Variants in LRP1B observed in about 807,000 individuals in gnomAD.
LRP1B encodes LDL receptor related protein 1B.
In LRP1B, 217 loss-of-function variants were observed where a neutral mutation model predicts 556.6. The observed-to-expected ratio is 0.39, with a 90% CI of 0.35 to 0.44. LRP1B has a LOEUF of 0.44. LRP1B is among the 20% of genes least tolerant of loss of function. The probability of loss-of-function intolerance (pLI) is 1.00; values close to 1 mark genes in which losing one functional copy is unlikely to be tolerated. For synonymous variants in LRP1B, 2,047 were observed against 1,865.8 expected (o/e 1.10, Z -2.50); for missense variants, 5,053 against 5,620.8 (o/e 0.90, Z 3.23).
intron 58 of LRP1B, 30 bp downstream of exon 58, chr2:140,487,587 A>C (rs1197011511): frequency 6.4e-7 from 1 of 1,572,212 alleles, no homozygotes; most frequent in Middle Eastern, 1.7e-4. Context: ...TATAATATTC[A>C]ACAATCCCAT....
chr2:141,102,815 C>T (rs551858924), intron 7 of LRP1B, among the ~76,000 whole-genome samples: 2 of 152,126 alleles, frequency 1.3e-5, no homozygotes, highest in South Asian at 4.1e-4. Flanking sequence ...TTACCCAGTT[C>T]AGTTTTTCTT....
chr2:141,473,263 A>G lies in LRP1B; in HGVS notation c.343+7133T>C, dbSNP rs559448277. On this transcript the variant is annotated intron_variant, in intron 3 of 90. Transcript: ENST00000389484. Reference sequence around the variant, plus strand: ...CATATGTGCAAATATGCATGTGTATATACGTTTATATATACACACATATAC... The same window carrying G: ...CATATGTGCAAATATGCATGTGTATGTACGTTTATATATACACACATATAC... 5.3e-5 allele frequency among the ~76,000 whole-genome samples: 8 copies of G among 152,360 alleles called. No individual in the cohort carries two copies. The South Asian group carries it at 1.5e-3, about 28-fold the overall frequency.
intron 1 of LRP1B, among the ~76,000 whole-genome samples, chr2:141,831,259 A>T (rs1238683791): frequency 6.6e-6 from 1 of 151,738 alleles, no homozygotes; most frequent in Non-Finnish European, 1.5e-5. Flanking sequence ...TACTTCAGCA[A>T]ATTTAACTTT....
At chr2:141,813,916 G>A (rs1696440891) in intron 1 of LRP1B, among the ~76,000 whole-genome samples, 1 of 152,046 alleles carries the variant, frequency 6.6e-6, no homozygotes, top group South Asian at 2.1e-4. Flanking sequence ...TAGGTTTGGG[G>A]TTTTTATGGA....
intron 1 of LRP1B, among the ~76,000 whole-genome samples, chr2:141,904,554 T>C (rs535892371): frequency 2.9e-4 from 44 of 151,996 alleles, no homozygotes; most frequent in African/African-American, 1.0e-3. Context: ...AAGACCTTGG[T>C]GAGGCAGTGG....
chr2:140,842,567 C>T (rs1230289516), intron 29 of LRP1B, among the ~76,000 whole-genome samples: 8 of 152,040 alleles, frequency 5.3e-5, no homozygotes. Flanking sequence ...TTAAACTTCA[C>T]ATTTCTTCTT....
chr2:141,810,103 GAAAGAAAGA>G (rs1366830584), intron 2 of LRP1B, among the ~76,000 whole-genome samples, 167 bp downstream of exon 2: 13 of 126,648 alleles, frequency 1.0e-4, no homozygotes, highest in African/African-American at 3.3e-4. Context: ...AAAAAAGAAA[GAAAGAAAGA>G]AAAAGAAAGA....
In LRP1B at chr2:140,232,001, G is replaced by C. The variant is rs1486962; in HGVS notation, c.*1185C>G. The C allele has an allele frequency of 9.8e-3, 1,492 of 151,636 alleles. 9 individuals carry two copies. Among genetic ancestry groups the C allele is most frequent in the Middle Eastern group, 0.027 (8 of 294 alleles). 9.4% of individuals were successfully genotyped at this position (151,636 alleles called of 1,614,324 possible). On this transcript the variant is annotated 3_prime_UTR_variant, in exon 91 of 91. Coordinates refer to ENST00000389484, the MANE Select transcript of LRP1B (RefSeq NM_018557.3). Reference sequence around the variant, plus strand: ...AACGTGAATGGGGTCCATGCGTTCTGTAAAACCCAGAGAAACCTGAATACC... The same window carrying C: ...AACGTGAATGGGGTCCATGCGTTCTCTAAAACCCAGAGAAACCTGAATACC...
At chr2:141,705,996 T>G (rs909662222) in intron 2 of LRP1B, among the ~76,000 whole-genome samples, 1 of 152,032 alleles carries the variant, frequency 6.6e-6, no homozygotes, top group African/African-American at 2.4e-5. Context: ...CGACAAAAAT[T>G]TGTTTCTGTT....
Position 142,131,004 on chromosome 2 carries a change from G to T in LRP1B, c.-275C>A, listed in dbSNP as rs539439008. 6.5e-5 allele frequency: 34 copies of T among 525,464 alleles called. No individual in the cohort carries two copies. Among genetic ancestry groups the T allele is most frequent in the Non-Finnish European group, 1.1e-4 (33 of 288,226 alleles). 32.6% of individuals were successfully genotyped at this position (525,464 alleles called of 1,614,324 possible). On this transcript the variant is annotated 5_prime_UTR_variant, in exon 1 of 91. Transcript: ENST00000389484. ...CGCCCGTGTGTCTTGACTTTTCAAT[G>T]CAGGGTACGTCTGATCTTACATCAC...
intron 46 of LRP1B, among the ~76,000 whole-genome samples, 166 bp from the exon 47 acceptor site, chr2:140,534,306 G>GA (rs1690852855): frequency 6.6e-6 from 1 of 152,128 alleles, no homozygotes; most frequent in Non-Finnish European, 1.5e-5. Context: ...TGTTGTCAAA[G>GA]AGCAGTTCAT....
intron 1 of LRP1B, among the ~76,000 whole-genome samples, chr2:141,923,706 A>T (rs550363906): frequency 1.2e-3 from 175 of 148,608 alleles, no homozygotes; most frequent in African/African-American, 4.2e-3. Flanking sequence ...TATCATAATT[A>T]AAAAAAAAAT....
At chr2:140,493,270 G>A (rs1483717512) in intron 56 of LRP1B, among the ~76,000 whole-genome samples, 22 of 151,794 alleles carry the variant, frequency 1.4e-4, no homozygotes, top group Admixed American at 1.4e-3. Context: ...TGCTTTAATA[G>A]TCTTTATTTC....
chr2:140,452,748 T>A (rs919594361), intron 62 of LRP1B, among the ~76,000 whole-genome samples: 2 of 152,012 alleles, frequency 1.3e-5, no homozygotes, highest in Non-Finnish European at 2.9e-5. Context: ...AAATAAGAGA[T>A]TATTTGATGT....
chr2:140,236,314 C>T (rs1031079769), intron 89 of LRP1B, among the ~76,000 whole-genome samples: 1 of 150,728 alleles, frequency 6.6e-6, no homozygotes, highest in African/African-American at 2.4e-5. Context: ...AGATTGGCCA[C>T]ATTGGATATT....
intron 3 of LRP1B, among the ~76,000 whole-genome samples, chr2:141,375,033 AT>A (rs1463163960): frequency 6.6e-6 from 1 of 151,446 alleles, no homozygotes; most frequent in Non-Finnish European, 1.5e-5. Flanking sequence ...GTAGGGGAAA[AT>A]TTTTTCTCCT....
chr2:142,112,239 A>G (rs1242353330), intron 1 of LRP1B, among the ~76,000 whole-genome samples: 1 of 152,112 alleles, frequency 6.6e-6, no homozygotes, highest in African/African-American at 2.4e-5. Context: ...GAGGACAAAG[A>G]TAGATAAAAT....
At chr2:140,658,466 T>C (rs113045330) in intron 41 of LRP1B, among the ~76,000 whole-genome samples, 4 of 151,988 alleles carry the variant, frequency 2.6e-5, no homozygotes, top group Non-Finnish European at 4.4e-5. Flanking sequence ...TAAAAATGCA[T>C]CATTATTTAT....
chr2:140,510,569 G>T (rs978960651), intron 51 of LRP1B, among the ~76,000 whole-genome samples: 2 of 152,142 alleles, frequency 1.3e-5, no homozygotes, highest in Non-Finnish European at 2.9e-5. Flanking sequence ...GTCACAAGTT[G>T]CACGCAATTT....
Sources: gnomAD v4.1 joint callset for allele counts (sites outside exome capture counted in the v4.1 genomes callset) on GRCh38, gnomAD v4.1.1 for gene constraint, MANE v1.5 for transcripts, NCBI Gene and HGNC (gene_info 2026-07-23, HGNC 2026-07-21) for gene names.